CLPTM1: variants seen among roughly 807,000 people sequenced by gnomAD.
CLPTM1 encodes the protein putative lipid scramblase CLPTM1.
CLPTM1 carries 21 observed loss-of-function variants against 77.3 expected under a neutral mutation model. The observed-to-expected ratio is 0.27, with a 90% CI of 0.19 to 0.39. CLPTM1 has a LOEUF of 0.39. Among genes scored for constraint, CLPTM1 ranks in the 10% least tolerant of loss-of-function variants. CLPTM1 has a pLI of 1.00. For synonymous variants in CLPTM1, 373 were observed against 381.0 expected, an observed-to-expected ratio of 0.98 and a Z score of 0.24; for missense variants, 642 against 921.2, an observed-to-expected ratio of 0.70 and a Z score of 3.92.
At chr19:44,966,804 A>G (rs1970637042) in intron 2 of CLPTM1, among the ~76,000 whole-genome samples, 1 of 151,818 alleles carries the variant, frequency 6.6e-6, no homozygotes, top group South Asian at 2.1e-4. Flanking sequence ...GAAAAAAAAA[A>G]AGCCTGAGCA....
At chr19:44,961,242 T>C (rs1419407914) in intron 1 of CLPTM1, among the ~76,000 whole-genome samples, 1 of 152,194 alleles carries the variant, frequency 6.6e-6, no homozygotes. Flanking sequence ...CCGTGGCTTA[T>C]GGTAGCAGCT....
chr19:44,959,404 G>C (rs951441408), intron 1 of CLPTM1, among the ~76,000 whole-genome samples: 1 of 151,992 alleles, frequency 6.6e-6, no homozygotes, highest in Admixed American at 6.6e-5. Context: ...GCCTAGGCTG[G>C]AGTGCAGTGG....
At chr19:44,986,798 A>G in intron 7 of CLPTM1, 1 of 572,626 alleles carries the variant, frequency 1.7e-6, no homozygotes, top group South Asian at 2.4e-5. Context: ...ATCGGTCCGC[A>G]ATCAAGTGCC....
intron 1 of CLPTM1, among the ~76,000 whole-genome samples, chr19:44,958,872 T>G (rs1256353949): frequency 1.3e-5 from 2 of 152,226 alleles, no homozygotes; most frequent in Non-Finnish European, 2.9e-5. Context: ...CTCTGTAATT[T>G]TCTAAAAATG....
intron 1 of CLPTM1, among the ~76,000 whole-genome samples, chr19:44,960,551 T>C (rs1313864118): frequency 1.3e-5 from 2 of 152,106 alleles, no homozygotes; most frequent in Non-Finnish European, 2.9e-5. Flanking sequence ...CTTTGGGAGA[T>C]TACAGGAAAG....
upstream of CLPTM1, chr19:44,954,752 G>A: frequency 5.2e-6 from 7 of 1,335,026 alleles, no homozygotes; most frequent in African/African-American, 3.0e-5. Context: ...GCAGTCCGAA[G>A]GCTTGGGGGT....
chr19:44,992,255 G>A lies in CLPTM1; in HGVS notation c.1578G>A (p.Gln526=). 1 of 1,614,038 alleles carries A rather than the reference G, an allele frequency of 6.2e-7. No homozygotes were observed. Among genetic ancestry groups the A allele is most frequent in the East Asian group, 2.2e-5 (1 of 44,882 alleles). ...CAGGCTTCATCACCATGACGCCCCA[G>A]CTCTTCATCAACTACAAGCTCAAGT... ...LTFGFITMTP[Q]LFINYKLKSV... Residue 526 remains glutamine, a synonymous_variant, in exon 13 of 14, where the codon CAG becomes CAA. Coordinates refer to ENST00000337392, the MANE Select transcript of CLPTM1 (RefSeq NM_001294.4). The surrounding 1 kb of genome is among the most constrained non-coding windows in gnomAD (Gnocchi z 7.7).
Position 44,973,246 on chromosome 19 carries a change from A to G in CLPTM1, c.309+36A>G, listed in dbSNP as rs762266161. On this transcript the variant is annotated intron_variant, in intron 3 of 13. Transcript: ENST00000337392. ...GGTGGTAGGGCAGACTTGGGAGGTGATGGGGTGTGGAGGGGTGGAATGTGG... is the reference window on the plus strand; with the variant it reads ...GGTGGTAGGGCAGACTTGGGAGGTGGTGGGGTGTGGAGGGGTGGAATGTGG... The G allele has an allele frequency of 1.9e-5, 31 of 1,613,250 alleles. No individual in the cohort carries two copies. The Admixed American group carries it at 5.2e-4, about 27-fold the overall frequency.
chr19:44,984,095 G>A lies in CLPTM1; in HGVS notation c.587-1123G>A, dbSNP rs796278484. On this transcript the variant is annotated intron_variant, in intron 5 of 13. Transcript: ENST00000337392. Reference sequence around the variant, plus strand: ...GGCCTGTGGCCAACTGGGCCTCTGCGAGAGGAAGTGAGGCCAACTCCTGGC... The same window carrying A: ...GGCCTGTGGCCAACTGGGCCTCTGCAAGAGGAAGTGAGGCCAACTCCTGGC... Among the ~76,000 whole-genome samples the A allele has an allele frequency of 1.1e-4, 16 of 152,372 alleles. No individual in the cohort carries two copies. In the East Asian group the frequency reaches 1.7e-3, roughly 16 times the overall value.
rs577239979 is a variant in CLPTM1, at chr19:44,983,342, C to T, written c.587-1876C>T. 4.6e-5 allele frequency among the ~76,000 whole-genome samples: 7 copies of T among 152,120 alleles called. No individual in the cohort carries two copies. In the South Asian group the frequency reaches 8.3e-4, roughly 18 times the overall value. On this transcript the variant is annotated intron_variant, in intron 5 of 13. Coordinates refer to ENST00000337392, the MANE Select transcript of CLPTM1 (RefSeq NM_001294.4). ...GCATAAGGAAGAGCTGAAAAGTCCCCGGGCTCAGTGGCTCACGCCTGTCAT... is the reference window on the plus strand; with the variant it reads ...GCATAAGGAAGAGCTGAAAAGTCCCTGGGCTCAGTGGCTCACGCCTGTCAT...
chr19:44,967,764 C>G (rs534551198), intron 2 of CLPTM1, among the ~76,000 whole-genome samples: 42 of 152,212 alleles, frequency 2.8e-4, no homozygotes, highest in Non-Finnish European at 4.4e-4. Flanking sequence ...ACACAGGACA[C>G]TGAGAAACTG....
Position 44,977,353 on chromosome 19 carries a change from A to G in CLPTM1, c.479A>G (p.Gln160Arg), listed in dbSNP as rs1970821037. The G allele has an allele frequency of 6.2e-7, 1 of 1,609,434 alleles. No homozygotes were observed. ...AELDIPQSVQ[Q>R]NGSIYIHVYF... Reference sequence around the variant, plus strand: ...TTCCGTCTTTTGCAGAGCGTCCAGCAGAACGGCTCCATCTACATCCACGTT... The same window carrying G: ...TTCCGTCTTTTGCAGAGCGTCCAGCGGAACGGCTCCATCTACATCCACGTT... The change falls in exon 5 of 14, where the codon CAG becomes CGG. Residue 160 changes from glutamine (Q) to arginine (R), a missense_variant. Gln to Arg is a conservative substitution (Grantham distance 43). Around this residue, in one of 2 missense-constraint regions of CLPTM1, gnomAD observed 521 missense variants for 800.4 expected, o/e 0.65. Transcript: ENST00000337392.
rs776017359 is a variant in CLPTM1 at position 44,962,106 on chromosome 19, G to A, written c.185+31G>A. 137 of 1,293,582 alleles carry A rather than the reference G, an allele frequency of 1.1e-4. 1 individual carries two copies. The highest frequency in any genetic ancestry group is 2.9e-4 in the South Asian group (22 of 75,228). 80.1% of individuals were successfully genotyped at this position (1,293,582 alleles called of 1,614,324 possible). ...CAGACGGGACTTGGGTTTGTTCACC[G>A]AAAACATTCAAATAAAAATAAGGAA... On this transcript the variant is annotated intron_variant, in intron 2 of 13. Transcript: ENST00000337392.
chr19:44,982,445 A>C (rs1440793542), intron 5 of CLPTM1, among the ~76,000 whole-genome samples: 1 of 152,158 alleles, frequency 6.6e-6, no homozygotes, highest in Non-Finnish European at 1.5e-5. Flanking sequence ...TGTGGCCAGC[A>C]ACCCTGATAC....
chr19:44,959,209 G>A (rs1382610277), intron 1 of CLPTM1, among the ~76,000 whole-genome samples: 1 of 151,278 alleles, frequency 6.6e-6, no homozygotes, highest in African/African-American at 2.4e-5. Flanking sequence ...TTCTGTGGCT[G>A]TATTTTGTTT....
chr19:44,962,981 C>T (rs204913), intron 2 of CLPTM1, among the ~76,000 whole-genome samples: 12,114 of 149,816 alleles, frequency 0.081, 637 homozygotes, highest in African/African-American at 0.15. Context: ...GCTGAGATCG[C>T]GCTACTGCAC....
chr19:44,981,689 G>A (rs1453885336), intron 5 of CLPTM1, among the ~76,000 whole-genome samples: 2 of 152,038 alleles, frequency 1.3e-5, no homozygotes, highest in Admixed American at 6.5e-5. Flanking sequence ...AAGGCTAGAG[G>A]ATTGCTTGAG....
At chr19:44,955,063 G>T, upstream of CLPTM1, 2 of 1,535,758 alleles carry the variant, frequency 1.3e-6, no homozygotes, top group Non-Finnish European at 1.7e-6. Flanking sequence ...AGGATGTCCC[G>T]AAAGGCTCAT....
At position 44,991,216 on chromosome 19, in the gene CLPTM1, G is replaced by A. The variant is rs554789086; in HGVS notation, c.1420-22G>A. Reference sequence around the variant, plus strand: ...GGCAGGGCTGAGGAGCTGGCTGACAGCCCCACCCTGTGGCCCCACAGATGG... The same window carrying A: ...GGCAGGGCTGAGGAGCTGGCTGACAACCCCACCCTGTGGCCCCACAGATGG... On this transcript the variant is annotated intron_variant, in intron 11 of 13. Coordinates refer to ENST00000337392, the MANE Select transcript of CLPTM1 (RefSeq NM_001294.4). This position sits in a 1 kb window ranked among gnomAD's most constrained non-coding sequence, Gnocchi z 5.4. 56 of 1,613,418 alleles carry A rather than the reference G, an allele frequency of 3.5e-5. No homozygotes were observed. The South Asian group carries it at 5.1e-4, about 15-fold the overall frequency.
Sources: allele counts gnomAD v4.1 joint callset (sites outside exome capture counted in the v4.1 genomes callset), GRCh38; gene constraint gnomAD v4.1.1; regional missense constraint gnomAD v4.1.1; non-coding constraint Gnocchi (gnomAD v3.1); transcripts MANE v1.5; gene names NCBI Gene and HGNC (gene_info 2026-07-23, HGNC 2026-07-21).